KHDRBS2: variants seen among roughly 807,000 people sequenced by gnomAD.
KHDRBS2 encodes the protein KH RNA binding domain containing, signal transduction associated 2.
A neutral mutation model predicts 44.3 loss-of-function variants in KHDRBS2; 26 were observed. The observed-to-expected ratio is 0.59, with a 90% CI of 0.43 to 0.81. The LOEUF (loss-of-function observed/expected upper bound fraction) is 0.81, where lower values mean the gene tolerates loss of function less well. KHDRBS2 is among the 40% of genes least tolerant of loss of function. The pLI, the probability that KHDRBS2 is intolerant of heterozygous loss-of-function variation, is 0.00. For synonymous variants in KHDRBS2, 194 were observed against 151.1 expected (o/e 1.28, Z -2.08); for missense variants, 476 against 433.1 (o/e 1.10, Z -0.88).
intron 2 of KHDRBS2, among the ~76,000 whole-genome samples, chr6:62,163,137 G>A (rs1438011197): frequency 6.6e-6 from 1 of 152,010 alleles, no homozygotes; most frequent in Admixed American, 6.6e-5. Context: ...TTGCGTGGAA[G>A]AGTAGAAACC....
chr6:61,909,051 A>C (rs900188546), intron 4 of KHDRBS2, among the ~76,000 whole-genome samples: 3 of 151,996 alleles, frequency 2.0e-5, no homozygotes, highest in African/African-American at 7.2e-5. Flanking sequence ...CTTAAATAGC[A>C]CATGCGTATC....
At chr6:61,567,802 C>A in the KHDRBS2 span, among the ~76,000 whole-genome samples, 3 of 150,456 alleles carry the variant, frequency 2.0e-5, no homozygotes, top group Non-Finnish European at 4.4e-5. Flanking sequence ...TTCATCTTTT[C>A]TTTTTTAATC....
intron 2 of KHDRBS2, among the ~76,000 whole-genome samples, chr6:62,130,967 A>C (rs1471152581): frequency 3.3e-5 from 5 of 152,102 alleles, no homozygotes; most frequent in African/African-American, 1.2e-4. Flanking sequence ...ATTGCAAGTT[A>C]AGGAAGACCT....
intron 1 of KHDRBS2, among the ~76,000 whole-genome samples, chr6:62,223,846 G>A (rs1334919087): frequency 6.6e-6 from 1 of 152,052 alleles, no homozygotes; most frequent in Non-Finnish European, 1.5e-5. Flanking sequence ...CCTCAGCCTG[G>A]ACCTTATTGT....
At chr6:62,147,552 A>C (rs1177739201) in intron 2 of KHDRBS2, among the ~76,000 whole-genome samples, 2 of 151,830 alleles carry the variant, frequency 1.3e-5, no homozygotes, top group Non-Finnish European at 2.9e-5. Flanking sequence ...AGAAGCTGCT[A>C]CTCAAAGGTC....
At chr6:61,544,286 CCAAATTAACTAGTAGCTT>C in the KHDRBS2 span, among the ~76,000 whole-genome samples, 9 of 152,026 alleles carry the variant, frequency 5.9e-5, no homozygotes, top group African/African-American at 1.4e-4. Context: ...ATTATTCTTA[CCAAATTAACTAGTAGCTT>C]CAAATTAACT....
At chr6:61,610,182 T>C in the KHDRBS2 span, among the ~76,000 whole-genome samples, 1 of 125,054 alleles carries the variant, frequency 8.0e-6, no homozygotes, top group Non-Finnish European at 1.7e-5. Context: ...TCTCAATATA[T>C]ATATTTAAAA....
At chr6:61,896,858 C>T (rs915009520) in intron 5 of KHDRBS2, among the ~76,000 whole-genome samples, 1 of 152,188 alleles carries the variant, frequency 6.6e-6, no homozygotes, top group Non-Finnish European at 1.5e-5. Flanking sequence ...CTCCATGCCA[C>T]AGCACCTTTC....
intron 2 of KHDRBS2, among the ~76,000 whole-genome samples, chr6:62,171,779 CT>C (rs769843248): frequency 5.9e-5 from 9 of 152,146 alleles, no homozygotes; most frequent in East Asian, 1.9e-4. Context: ...ATATTCATCA[CT>C]CCTAAAGAAA....
chr6:61,789,273 G>A (rs539540137), intron 6 of KHDRBS2, among the ~76,000 whole-genome samples: 8 of 151,396 alleles, frequency 5.3e-5, no homozygotes, highest in Admixed American at 4.6e-4. Context: ...AATTGAAAAA[G>A]CAAAACTTGA....
the KHDRBS2 span, among the ~76,000 whole-genome samples, chr6:61,653,601 G>A: frequency 8.7e-6 from 1 of 115,062 alleles, no homozygotes; most frequent in Non-Finnish European, 1.8e-5. Flanking sequence ...AGTCTAATGT[G>A]AAACTGAGAG....
chr6:62,166,597 TA>T, intron 2 of KHDRBS2, among the ~76,000 whole-genome samples: 1 of 152,080 alleles, frequency 6.6e-6, no homozygotes, highest in Non-Finnish European at 1.5e-5. Context: ...TGTTTCTGGG[TA>T]AAAAGCATTA....
At chr6:61,686,774 C>T (rs970165794) in intron 8 of KHDRBS2, among the ~76,000 whole-genome samples, 1 of 151,310 alleles carries the variant, frequency 6.6e-6, no homozygotes, top group Non-Finnish European at 1.5e-5. Context: ...TTCACCAACC[C>T]TTTCTCTTTT....
intron 3 of KHDRBS2, 49 bp downstream of exon 3, chr6:62,047,829 T>C (rs1788047175): frequency 2.5e-6 from 3 of 1,215,566 alleles, no homozygotes; most frequent in South Asian, 2.4e-5. Flanking sequence ...CCTTCAGTGT[T>C]ATAGGTAACC....
chr6:61,544,814 G>A, the KHDRBS2 span, among the ~76,000 whole-genome samples: 1 of 152,006 alleles, frequency 6.6e-6, no homozygotes, highest in African/African-American at 2.4e-5. Context: ...ATCATTCTCA[G>A]CAAACTATCA....
intron 1 of KHDRBS2, among the ~76,000 whole-genome samples, chr6:62,246,436 T>C (rs1835589923): frequency 6.6e-6 from 1 of 152,090 alleles, no homozygotes. Flanking sequence ...TTTTCACATG[T>C]GGTTTCTTAG....
chr6:61,762,274 T>G (rs540483162), intron 6 of KHDRBS2, among the ~76,000 whole-genome samples: 1 of 152,294 alleles, frequency 6.6e-6, no homozygotes, highest in East Asian at 1.9e-4. Context: ...TCCTCCCCAG[T>G]TTTTTGACCT....
intron 6 of KHDRBS2, among the ~76,000 whole-genome samples, chr6:61,836,554 A>G (rs1792710937): frequency 6.6e-6 from 1 of 152,082 alleles, no homozygotes; most frequent in African/African-American, 2.4e-5. Context: ...ATGTGCCTGC[A>G]GCATGAAAAA....
chr6:61,703,055 T>A (rs1313534289), intron 7 of KHDRBS2, among the ~76,000 whole-genome samples: 1 of 151,876 alleles, frequency 6.6e-6, no homozygotes, highest in Non-Finnish European at 1.5e-5. Context: ...ATTGTAACAA[T>A]GTGTTTAGAA....
Sources: gnomAD v4.1 joint callset for allele counts (sites outside exome capture counted in the v4.1 genomes callset) on GRCh38, gnomAD v4.1.1 for gene constraint, MANE v1.5 for transcripts, NCBI Gene and HGNC (gene_info 2026-07-23, HGNC 2026-07-21) for gene names.